The following L3MBTL4 variants were observed in gnomAD, a reference collection of about 807,000 sequenced individuals.
L3MBTL4 encodes lethal(3)malignant brain tumor-like protein 4.
A neutral mutation model predicts 84.5 loss-of-function variants in L3MBTL4; 70 were observed. The observed-to-expected ratio is 0.83, with a 90% confidence interval of 0.68 to 1.01. L3MBTL4 has a LOEUF of 1.01. Ranked by LOEUF, L3MBTL4 falls within the 50% of genes least tolerant of loss-of-function variation. The pLI, the probability that L3MBTL4 is intolerant of heterozygous loss-of-function variation, is 0.00. For synonymous variants in L3MBTL4, 274 were observed against 259.8 expected (o/e 1.05, Z -0.52); for missense variants, 715 against 754.8 (o/e 0.95, Z 0.62).
chr18:5,992,493 G>A (rs2053751127), intron 16 of L3MBTL4, among the ~76,000 whole-genome samples: 1 of 152,102 alleles, frequency 6.6e-6, no homozygotes, highest in Admixed American at 6.5e-5. Flanking sequence ...AACAACTCCT[G>A]GAAGCTCACG....
intron 16 of L3MBTL4, among the ~76,000 whole-genome samples, chr18:6,024,571 C>G (rs902408132): frequency 6.6e-6 from 1 of 152,346 alleles, no homozygotes. Flanking sequence ...TACTTTCCCC[C>G]CTCAAGGTAC....
At chr18:6,313,632 C>T (rs1305144030) in intron 1 of L3MBTL4, among the ~76,000 whole-genome samples, 2 of 152,152 alleles carry the variant, frequency 1.3e-5, no homozygotes, top group Admixed American at 6.5e-5. Flanking sequence ...GCACAAGACA[C>T]AAGCACTGCC....
chr18:6,081,151 C>T, intron 15 of L3MBTL4, 200 bp from the exon 16 acceptor site: 1 of 427,826 alleles, frequency 2.3e-6, no homozygotes, highest in Non-Finnish European at 4.1e-6. Context: ...GACTTTGAAC[C>T]CTGAAATTTA....
intron 3 of L3MBTL4, among the ~76,000 whole-genome samples, chr18:6,307,880 T>C (rs2050662621): frequency 6.6e-6 from 1 of 152,228 alleles, no homozygotes; most frequent in Admixed American, 6.5e-5. Context: ...TTTTGTATAT[T>C]CATTTTGTAT....
intron 16 of L3MBTL4, among the ~76,000 whole-genome samples, chr18:6,002,560 A>T (rs933666710): frequency 6.6e-6 from 1 of 152,100 alleles, no homozygotes; most frequent in African/African-American, 2.4e-5. Context: ...GTGAGAATGG[A>T]GCTATATAGG....
At chr18:6,373,575 G>A (rs555062795) in intron 1 of L3MBTL4, among the ~76,000 whole-genome samples, 21 of 152,220 alleles carry the variant, frequency 1.4e-4, no homozygotes, top group African/African-American at 4.1e-4. Context: ...AAGAGAAGTC[G>A]CTCTACCCAA....
At chr18:6,114,426 C>T (rs1043482085) in intron 14 of L3MBTL4, among the ~76,000 whole-genome samples, 10 of 152,300 alleles carry the variant, frequency 6.6e-5, no homozygotes, top group East Asian at 1.9e-4. Context: ...TTTTAAAATA[C>T]TCATAATTTG....
intron 16 of L3MBTL4, chr18:6,032,082 A>G (rs1302196707): frequency 4.9e-6 from 1 of 202,664 alleles, no homozygotes; most frequent in Non-Finnish European, 9.5e-6. Flanking sequence ...GGTTCAAGCA[A>G]TTCTCCTGCC....
chr18:6,009,580 T>C (rs934393159), intron 16 of L3MBTL4, among the ~76,000 whole-genome samples: 13 of 152,144 alleles, frequency 8.5e-5, no homozygotes, highest in Admixed American at 7.9e-4. Flanking sequence ...TTGAGTCCCT[T>C]ATATAAAATG....
intron 1 of L3MBTL4, among the ~76,000 whole-genome samples, chr18:6,338,890 T>C (rs2052471408): frequency 1.3e-5 from 2 of 152,042 alleles, no homozygotes. Flanking sequence ...AGGCAAGAAA[T>C]ATTACCAAAT....
intron 17 of L3MBTL4, 34 bp from the exon 18 acceptor site, chr18:5,960,190 A>T: frequency 5.2e-6 from 7 of 1,356,152 alleles, no homozygotes; most frequent in Non-Finnish European, 7.2e-6. Flanking sequence ...AATTTAATAC[A>T]TGCACCTGAA....
At position 6,241,386 on chromosome 18, in the gene L3MBTL4, G is replaced by C; in HGVS notation, c.524C>G (p.Pro175Arg). The change falls in exon 8 of 19, where the codon CCA becomes CGA. Residue 175 changes from proline to arginine, a missense_variant. By Grantham distance (103) the Pro-to-Arg change is moderately radical. Coordinates refer to ENST00000317931, the MANE Select transcript of L3MBTL4 (RefSeq NM_001330559.2). The stretch of plus-strand genomic sequence containing the variant: ...ACTTCTGTTTCTGAATAATTTCTTT[G>C]GAGCATTTTGCAATTTGCAGGCCTT... The part of the protein sequence containing the change: ...YLKACKLQNA[P>R]KKLFRNRSPN... The C allele has an allele frequency of 6.2e-7, 1 of 1,600,848 alleles. No individual in the cohort carries two copies. The highest frequency in any genetic ancestry group is 8.5e-7 in the Non-Finnish European group (1 of 1,171,622).
intron 16 of L3MBTL4, among the ~76,000 whole-genome samples, chr18:6,035,113 A>G (rs1189231551): frequency 2.0e-5 from 3 of 150,558 alleles, no homozygotes; most frequent in South Asian, 2.1e-4. Flanking sequence ...GTTCACTCTG[A>G]TGGTAGTTTC....
At chr18:6,306,040 A>G (rs1183409591) in intron 3 of L3MBTL4, among the ~76,000 whole-genome samples, 1 of 152,208 alleles carries the variant, frequency 6.6e-6, no homozygotes, top group East Asian at 1.9e-4. Flanking sequence ...CTTGTTCCAT[A>G]AGAACCTGCT....
chr18:6,217,167 G>A (rs896729853), intron 10 of L3MBTL4, among the ~76,000 whole-genome samples: 1 of 152,014 alleles, frequency 6.6e-6, no homozygotes, highest in African/African-American at 2.4e-5. Context: ...CACAAATCAA[G>A]TGGATAGACT....
intron 1 of L3MBTL4, among the ~76,000 whole-genome samples, chr18:6,342,784 G>A (rs1415847796): frequency 6.7e-6 from 1 of 148,226 alleles, no homozygotes; most frequent in Non-Finnish European, 1.5e-5. Flanking sequence ...CAAAAACAAA[G>A]AGCAACTGAA....
At chr18:6,186,083 G>A (rs1270083363) in intron 12 of L3MBTL4, among the ~76,000 whole-genome samples, 1 of 151,636 alleles carries the variant, frequency 6.6e-6, no homozygotes, top group African/African-American at 2.4e-5. Context: ...TGCAGTCTCA[G>A]CTCACTGCAA....
intron 17 of L3MBTL4, among the ~76,000 whole-genome samples, chr18:5,968,067 A>C (rs2052441664): frequency 6.6e-6 from 1 of 152,224 alleles, no homozygotes. Context: ...AGACACACTC[A>C]GTGTCTCCAA....
intron 1 of L3MBTL4, among the ~76,000 whole-genome samples, chr18:6,322,371 AAAAGAAAAAG>A (rs2051452585): frequency 6.6e-6 from 1 of 151,310 alleles, no homozygotes; most frequent in African/African-American, 2.4e-5. Context: ...AGAGGAAAGA[AAAAGAAAAAG>A]AAAGAAAATG....
Sources: allele counts gnomAD v4.1 joint callset (sites outside exome capture counted in the v4.1 genomes callset), GRCh38; gene constraint gnomAD v4.1.1; transcripts MANE v1.5; gene names NCBI Gene and HGNC (gene_info 2026-07-23, HGNC 2026-07-21).